Variants in SAMD12 observed in about 807,000 individuals in gnomAD.
The protein encoded by SAMD12 is sterile alpha motif domain containing 12.
A neutral mutation model predicts 15.0 loss-of-function variants in SAMD12; 9 were observed. The observed-to-expected ratio is 0.60, with a 90% CI of 0.36 to 1.05. The LOEUF (loss-of-function observed/expected upper bound fraction) is 1.05. Ranked by LOEUF, SAMD12 falls within the 50% of genes least tolerant of loss-of-function variation. The pLI, the probability that SAMD12 is intolerant of heterozygous loss-of-function variation, is 0.01. For missense variants in SAMD12, 230 were observed against 234.2 expected (o/e 0.98, Z 0.12); for synonymous variants, 86 against 90.1 (o/e 0.96, Z 0.25).
chr8:118,401,541 C>CTTT (rs3884378), intron 3 of SAMD12, among the ~76,000 whole-genome samples: 5,274 of 140,204 alleles, frequency 0.038, 297 homozygotes, highest in African/African-American at 0.12. Flanking sequence ...CCTTCTTCTT[C>CTTT]TTTTTTTTTT....
chr8:118,138,171 T>G, the SAMD12 span, among the ~76,000 whole-genome samples: 1 of 150,746 alleles, frequency 6.6e-6, no homozygotes, highest in Non-Finnish European at 1.5e-5. Flanking sequence ...AACATGGGTC[T>G]TAGAATGTGT....
chr8:118,363,168 T>C (rs1299537411), intron 4 of SAMD12, among the ~76,000 whole-genome samples: 1 of 151,858 alleles, frequency 6.6e-6, no homozygotes, highest in Non-Finnish European at 1.5e-5. Flanking sequence ...GATAGGGGAG[T>C]GGAAAGAGCA....
intron 4 of SAMD12, among the ~76,000 whole-genome samples, chr8:118,212,701 A>C (rs1039064148): frequency 6.6e-6 from 1 of 152,214 alleles, no homozygotes; most frequent in South Asian, 2.1e-4. Context: ...TTCAATGCCA[A>C]ATTATAGTAT....
At chr8:118,545,799 T>G (rs562636835) in intron 2 of SAMD12, among the ~76,000 whole-genome samples, 11 of 152,170 alleles carry the variant, frequency 7.2e-5, no homozygotes, top group African/African-American at 2.2e-4. Flanking sequence ...ACAGATGAAA[T>G]ATAGTTAACA....
chr8:118,334,622 G>T (rs1292583480), intron 4 of SAMD12, among the ~76,000 whole-genome samples: 1 of 152,090 alleles, frequency 6.6e-6, no homozygotes, highest in South Asian at 2.1e-4. Flanking sequence ...TTGAGACAGG[G>T]TCTCATTCTG....
chr8:118,585,614 GTTATT>G (rs1222534006), intron 1 of SAMD12, among the ~76,000 whole-genome samples: 1 of 152,086 alleles, frequency 6.6e-6, no homozygotes, highest in Non-Finnish European at 1.5e-5. Context: ...CATCTAGAAT[GTTATT>G]TTATTTTTTA....
chr8:118,578,639 C>G (rs1827208908), intron 2 of SAMD12, among the ~76,000 whole-genome samples: 1 of 152,168 alleles, frequency 6.6e-6, no homozygotes, highest in Non-Finnish European at 1.5e-5. Flanking sequence ...CTGCACAAAA[C>G]AAGTTCATGT....
At chr8:118,172,585 T>A in the SAMD12 span, among the ~76,000 whole-genome samples, 2 of 152,338 alleles carry the variant, frequency 1.3e-5, no homozygotes, top group African/African-American at 4.8e-5. Context: ...ATTGGGTTTT[T>A]AAAACAGTTT....
intron 3 of SAMD12, among the ~76,000 whole-genome samples, chr8:118,385,073 T>C (rs760883585): frequency 2.0e-5 from 3 of 152,120 alleles, no homozygotes; most frequent in African/African-American, 2.4e-5. Context: ...TGAGCATACA[T>C]AGAAAAAGCA....
chr8:118,265,288 C>A lies in SAMD12; in HGVS notation c.434-67556G>T, dbSNP rs111920611. On this transcript the variant is annotated intron_variant, in intron 4 of 4. Transcript: ENST00000409003. ...TATTTTCACTAGACATCCATTGAAG[C>A]CATATGGCAGTCTTGAATATGTAGA... is the stretch of plus-strand genomic sequence containing the variant. 2.2e-3 allele frequency among the ~76,000 whole-genome samples: 331 copies of A among 152,196 alleles called. 1 individual carries two copies. The highest frequency in any genetic ancestry group is 6.9e-3 in the African/African-American group (288 of 41,544).
At chr8:118,276,358 G>A (rs533741428) in intron 4 of SAMD12, among the ~76,000 whole-genome samples, 24 of 152,110 alleles carry the variant, frequency 1.6e-4, no homozygotes, top group African/African-American at 1.7e-4. Context: ...TGAAGAAAAC[G>A]CAGTACACTT....
intron 4 of SAMD12, among the ~76,000 whole-genome samples, chr8:118,303,479 T>C (rs1815154580): frequency 6.6e-6 from 1 of 152,186 alleles, no homozygotes; most frequent in Admixed American, 6.5e-5. Context: ...ATATTCTACT[T>C]CACGTATCTG....
intron 4 of SAMD12, among the ~76,000 whole-genome samples, chr8:118,258,319 T>C (rs764363151): frequency 1.1e-4 from 17 of 152,290 alleles, no homozygotes; most frequent in Non-Finnish European, 2.2e-4. Context: ...GCTTTCATTA[T>C]AAACCACTTT....
chr8:118,471,277 A>C (rs978623457), intron 2 of SAMD12, among the ~76,000 whole-genome samples: 3 of 152,146 alleles, frequency 2.0e-5, no homozygotes, highest in African/African-American at 7.2e-5. Flanking sequence ...TATTAAAAGC[A>C]TCATTTGGAC....
intron 2 of SAMD12, among the ~76,000 whole-genome samples, chr8:118,516,033 T>C (rs186947798): frequency 1.3e-5 from 2 of 152,352 alleles, no homozygotes; most frequent in Non-Finnish European, 2.9e-5. Flanking sequence ...ATATGAGAAC[T>C]GTGATTTCCA....
At chr8:118,171,264 A>G in the SAMD12 span, among the ~76,000 whole-genome samples, 7,494 of 152,296 alleles carry the variant, frequency 0.049, 603 homozygotes, top group African/African-American at 0.17. Flanking sequence ...AAACACTCTG[A>G]GAGGTCCTTA....
downstream of SAMD12, among the ~76,000 whole-genome samples, chr8:118,376,174 T>A (rs777042335): frequency 3.3e-5 from 5 of 152,226 alleles, no homozygotes; most frequent in African/African-American, 7.2e-5. Context: ...CAATCATTTT[T>A]AAAATAAATT....
chr8:118,573,118 A>T (rs1827063456), intron 2 of SAMD12, among the ~76,000 whole-genome samples: 1 of 151,978 alleles, frequency 6.6e-6, no homozygotes, highest in South Asian at 2.1e-4. Flanking sequence ...GAGTTTCACT[A>T]TTGTTGCCCA....
intron 2 of SAMD12, among the ~76,000 whole-genome samples, chr8:118,549,002 C>T (rs913933635): frequency 1.3e-5 from 2 of 152,240 alleles, no homozygotes; most frequent in Non-Finnish European, 2.9e-5. Flanking sequence ...CGCAGGCTTG[C>T]TTAGGTAAAC....
Sources: gnomAD v4.1 joint callset for allele counts (sites outside exome capture counted in the v4.1 genomes callset) on GRCh38, gnomAD v4.1.1 for gene constraint, MANE v1.5 for transcripts, NCBI Gene and HGNC (gene_info 2026-07-23, HGNC 2026-07-21) for gene names.